MGST1: variants seen among roughly 807,000 people sequenced by gnomAD.
MGST1 encodes the protein glutathione S-transferase 12.
In MGST1, 5 loss-of-function variants were observed where a neutral mutation model predicts 8.9. The observed-to-expected ratio is 0.56, with a 90% CI of 0.29 to 1.19. The LOEUF is 1.19. Ranked by LOEUF, MGST1 falls within the 50% of genes most tolerant of loss-of-function variation. The pLI is 0.08. For synonymous variants in MGST1, 54 were observed against 67.8 expected (o/e 0.80, Z 1.00); for missense variants, 182 against 187.4 (o/e 0.97, Z 0.17).
rs973103656 is a variant in MGST1 at position 16,555,454 on chromosome 12, T to C, written n.483-34074T>C. 2.0e-5 allele frequency among the ~76,000 whole-genome samples: 3 copies of C among 152,222 alleles called. No individual in the cohort carries two copies. Among genetic ancestry groups the C allele is most frequent in the Admixed American group, 6.5e-5 (1 of 15,286 alleles). On this transcript the variant is annotated intron_variant and non_coding_transcript_variant, in intron 4 of 4. Coordinates refer to the MGST1 transcript ENST00000538857. The surrounding 1 kb of genome is among the most constrained non-coding windows in gnomAD (Gnocchi z 5.5). ...TAAATGACCACGAGTTATATTTCTT[T>C]TGAACCCTTTGCAGAACCATCATAA...
At chr12:16,400,361 T>C (rs889198927) in intron 1 of MGST1, 2 of 822,882 alleles carry the variant, frequency 2.4e-6, no homozygotes, top group East Asian at 2.4e-5. Context: ...CGAACAGATA[T>C]GAAGCGGAAG....
At chr12:16,460,643 G>A (rs1206416191) in intron 4 of MGST1, among the ~76,000 whole-genome samples, 1 of 147,800 alleles carries the variant, frequency 6.8e-6, no homozygotes, top group East Asian at 2.0e-4. Context: ...TGGTGGTGGT[G>A]TTAATCACCT....
At position 16,513,538 on chromosome 12, in the gene MGST1, G is replaced by A; in HGVS notation, n.483-75990G>A. On this transcript the variant is annotated intron_variant and non_coding_transcript_variant, in intron 4 of 4. Transcript: ENST00000538857. The surrounding 1 kb of genome is among the most constrained non-coding windows in gnomAD (Gnocchi z 4.2). ...AGATCCCATCCTTGGAGTCACCGAA[G>A]GCTTTAAGAGGGACACCAATAGCAA... 2.1e-6 allele frequency: 1 copy of A among 486,862 alleles called. No individual in the cohort carries two copies. The allele number at this position is 486,862 out of a possible 1,614,324, so 30.2% of individuals were successfully genotyped here. A position where few individuals can be genotyped will look rare whatever the true frequency, so the allele number is the denominator to read the frequency against.
rs16912043 is a variant in MGST1 at position 16,586,828 on chromosome 12, T to C, written n.483-2700T>C. Among the ~76,000 whole-genome samples the C allele has an allele frequency of 0.05, 7,624 of 152,268 alleles. 580 individuals are homozygous for C. Among genetic ancestry groups the C allele is most frequent in the African/African-American group, 0.16 (6,579 of 41,524 alleles). On this transcript the variant is annotated intron_variant and non_coding_transcript_variant, in intron 4 of 4. Coordinates refer to the MGST1 transcript ENST00000538857. This position sits in a 1 kb window ranked among gnomAD's most constrained non-coding sequence, Gnocchi z 4.3. ...AAAGGAACATGTAAGCCATACACAG[T>C]TGGCATCAAATATTACTGGATGACA...
rs1341525873 is a variant in MGST1 at position 16,364,081 on chromosome 12, A to G, written c.*40A>G. 3.9e-6 allele frequency: 6 copies of G among 1,542,240 alleles called. No homozygotes were observed. The highest frequency in any genetic ancestry group is 5.2e-6 in the Non-Finnish European group (6 of 1,143,136). The stretch of plus-strand genomic sequence containing the variant: ...CTCAGCATCCAGTTGGCTTTTTAAG[A>G]ATTCTGTACTTCCAATTTATAATGA... On this transcript the variant is annotated 3_prime_UTR_variant, in exon 4 of 4. Coordinates refer to ENST00000396210, the MANE Select transcript of MGST1 (RefSeq NM_020300.5). This position sits in a 1 kb window ranked among gnomAD's most constrained non-coding sequence, Gnocchi z 5.7.
At chr12:16,472,924 G>T (rs747776118) in intron 4 of MGST1, among the ~76,000 whole-genome samples, 1 of 152,100 alleles carries the variant, frequency 6.6e-6, no homozygotes, top group African/African-American at 2.4e-5. Flanking sequence ...TCCTTGCATC[G>T]GTTTCTTAGC....
chr12:16,400,496 T>C (rs970641383), intron 1 of MGST1: 3 of 807,720 alleles, frequency 3.7e-6, no homozygotes, highest in Non-Finnish European at 6.7e-6. Flanking sequence ...TGTTTTACAA[T>C]GCCCTCCTTC....
chr12:16,564,239 C>T (rs1298346419), intron 4 of MGST1, among the ~76,000 whole-genome samples: 1 of 152,148 alleles, frequency 6.6e-6, no homozygotes, highest in Non-Finnish European at 1.5e-5. Context: ...TGCTGTATTA[C>T]ACCTGCCACA....
At chr12:16,538,388 C>T (rs1941770269) in intron 4 of MGST1, among the ~76,000 whole-genome samples, 2 of 152,130 alleles carry the variant, frequency 1.3e-5, no homozygotes, top group South Asian at 4.1e-4. Context: ...CCAAACTCTT[C>T]CAACTTCTTC....
chr12:16,462,886 T>C (rs1040363723), intron 4 of MGST1, among the ~76,000 whole-genome samples: 4 of 152,156 alleles, frequency 2.6e-5, no homozygotes, highest in Admixed American at 2.6e-4. Context: ...TGTGATGAGA[T>C]TTTATTCCTC....
chr12:16,510,721 G>T lies in MGST1; in HGVS notation n.483-78807G>T, dbSNP rs539189674. 9.2e-5 allele frequency among the ~76,000 whole-genome samples: 14 copies of T among 152,236 alleles called. No homozygotes were observed. In the South Asian group the frequency reaches 2.7e-3, roughly 29 times the overall value. On this transcript the variant is annotated intron_variant and non_coding_transcript_variant, in intron 4 of 4. Coordinates refer to the MGST1 transcript ENST00000538857. ...AAAATCATTTTAGGTCTTACTACAG[G>T]CAAACAATGACATTTATACTAGAGC... is the stretch of plus-strand genomic sequence containing the variant.
chr12:16,466,882 G>T (rs535496488), intron 4 of MGST1, among the ~76,000 whole-genome samples: 1 of 151,488 alleles, frequency 6.6e-6, no homozygotes, highest in Admixed American at 6.6e-5. Flanking sequence ...TTCCACAATT[G>T]TGTTGCACTG....
chr12:16,529,246 TATG>T (rs1217949537), intron 4 of MGST1, among the ~76,000 whole-genome samples: 3 of 152,042 alleles, frequency 2.0e-5, no homozygotes, highest in Admixed American at 2.0e-4. Context: ...CCATTGTAAC[TATG>T]ATGATTTGTT....
intron 4 of MGST1, among the ~76,000 whole-genome samples, chr12:16,553,186 T>C (rs1247138640): frequency 6.6e-6 from 1 of 152,132 alleles, no homozygotes; most frequent in Non-Finnish European, 1.5e-5. Context: ...CATGGCTTTT[T>C]ACAGAAGAAA....
intron 4 of MGST1, among the ~76,000 whole-genome samples, chr12:16,531,156 CAAAAAAAAAAAA>C (rs5796677): frequency 1.3e-4 from 6 of 46,516 alleles, no homozygotes; most frequent in African/African-American, 4.8e-4. Context: ...TACCCCTGAC[CAAAAAAAAAAAA>C]AAAAAAAAAA....
chr12:16,551,588 ACTT>A (rs903621592), intron 4 of MGST1, among the ~76,000 whole-genome samples: 6 of 150,742 alleles, frequency 4.0e-5, no homozygotes, highest in African/African-American at 9.8e-5. Flanking sequence ...ACCAAAGATG[ACTT>A]GCTTTTTTTT....
chr12:16,548,611 A>G lies in MGST1; in HGVS notation n.483-40917A>G, dbSNP rs1229583269. On this transcript the variant is annotated intron_variant and non_coding_transcript_variant, in intron 4 of 4. Coordinates refer to the MGST1 transcript ENST00000538857. The surrounding 1 kb of genome is among the most constrained non-coding windows in gnomAD (Gnocchi z 4.2). ...ATCAAAGCTCCATCGGAGGTGTCCT[A>G]CTGGAGGCATCAGACAACAAGCTAA... 2.0e-5 allele frequency: 3 copies of G among 152,130 alleles called. No homozygotes were observed. Among genetic ancestry groups the G allele is most frequent in the Non-Finnish European group, 4.4e-5 (3 of 68,028 alleles). The allele number at this position is 152,130 out of a possible 1,614,324, so 9.4% of individuals were successfully genotyped here.
intron 4 of MGST1, among the ~76,000 whole-genome samples, chr12:16,531,807 G>T (rs1296351382): frequency 6.6e-6 from 1 of 152,142 alleles, no homozygotes; most frequent in African/African-American, 2.4e-5. Context: ...TAAATGCCAA[G>T]ACTGGCCCTG....
At chr12:16,524,613 T>A (rs974462033) in intron 4 of MGST1, among the ~76,000 whole-genome samples, 4 of 152,078 alleles carry the variant, frequency 2.6e-5, no homozygotes, top group Admixed American at 2.6e-4. Flanking sequence ...CCTGTTAGAC[T>A]TGTTTGGCTG....
Sources: allele counts gnomAD v4.1 joint callset (sites outside exome capture counted in the v4.1 genomes callset), GRCh38; gene constraint gnomAD v4.1.1; non-coding constraint Gnocchi (gnomAD v3.1); transcripts MANE v1.5; gene names NCBI Gene and HGNC (gene_info 2026-07-23, HGNC 2026-07-21).